The following APBB2 variants were observed in gnomAD, a reference collection of about 807,000 sequenced individuals.
APBB2 encodes the protein Fe65-like 1.
In APBB2, 38 loss-of-function variants were observed where a neutral mutation model predicts 82.5. The observed-to-expected ratio is 0.46, with a 90% CI of 0.36 to 0.60. The LOEUF (loss-of-function observed/expected upper bound fraction) is 0.60, where lower values mean the gene tolerates loss of function less well. Ranked by LOEUF, APBB2 falls within the 20% of genes least tolerant of loss-of-function variation. The pLI is 0.00. For missense variants in APBB2, 772 were observed against 972.3 expected (o/e 0.79, Z 2.74); for synonymous variants, 341 against 368.2 (o/e 0.93, Z 0.85).
At chr4:40,837,851 G>A (rs1393026004) in intron 12 of APBB2, among the ~76,000 whole-genome samples, 2 of 152,110 alleles carry the variant, frequency 1.3e-5, no homozygotes, top group Non-Finnish European at 2.9e-5. Context: ...TCAAGTACCT[G>A]TTGCCACCTG....
At chr4:41,038,422 T>C (rs1221977544) in intron 4 of APBB2, among the ~76,000 whole-genome samples, 1 of 152,202 alleles carries the variant, frequency 6.6e-6, no homozygotes, top group Non-Finnish European at 1.5e-5. Flanking sequence ...CCTAGCTCTT[T>C]GTCCAACCCA....
At chr4:40,924,091 T>C (rs999233595) in intron 10 of APBB2, among the ~76,000 whole-genome samples, 1 of 152,226 alleles carries the variant, frequency 6.6e-6, no homozygotes, top group Admixed American at 6.5e-5. Flanking sequence ...CACGACCAGC[T>C]GTGCAAGCTT....
chr4:41,204,051 G>GAAT (rs10670293), intron 1 of APBB2, among the ~76,000 whole-genome samples: 74,520 of 151,824 alleles, frequency 0.49, 19,007 homozygotes, highest in African/African-American at 0.62. Context: ...AGATATCAGA[G>GAAT]AATGTTTAAG....
intron 1 of APBB2, among the ~76,000 whole-genome samples, chr4:41,212,682 G>A (rs1779612406): frequency 6.6e-6 from 1 of 152,172 alleles, no homozygotes; most frequent in Non-Finnish European, 1.5e-5. Flanking sequence ...AAGACTGTCG[G>A]TGACTTCGGG....
chr4:41,204,380 A>C (rs747088709), intron 1 of APBB2, among the ~76,000 whole-genome samples: 2 of 152,200 alleles, frequency 1.3e-5, no homozygotes, highest in African/African-American at 4.8e-5. Context: ...CCAAGGTGAG[A>C]AGCAACCGAG....
At chr4:40,875,644 T>C (rs1766692061) in intron 12 of APBB2, among the ~76,000 whole-genome samples, 1 of 152,206 alleles carries the variant, frequency 6.6e-6, no homozygotes, top group Admixed American at 6.5e-5. Flanking sequence ...ACCAGCTACA[T>C]TTCAAGTGCT....
chr4:41,144,608 G>A (rs993599158), intron 1 of APBB2, among the ~76,000 whole-genome samples: 57 of 152,208 alleles, frequency 3.7e-4, no homozygotes, highest in African/African-American at 1.3e-3. Flanking sequence ...GCTAACAAAT[G>A]AAGAAGTATT....
intron 10 of APBB2, among the ~76,000 whole-genome samples, chr4:40,916,312 AAGAC>A (rs144128710): frequency 0.043 from 6,524 of 151,756 alleles, 320 homozygotes; most frequent in African/African-American, 0.11. Flanking sequence ...GCTAGACCTG[AAGAC>A]AGACAGACAG....
At chr4:41,082,402 T>C (rs1248134251) in intron 3 of APBB2, among the ~76,000 whole-genome samples, 1 of 152,160 alleles carries the variant, frequency 6.6e-6, no homozygotes, top group African/African-American at 2.4e-5. Flanking sequence ...TTGGAACCTA[T>C]GGAACGCATA....
At chr4:41,151,196 T>G (rs1415038070) in intron 1 of APBB2, among the ~76,000 whole-genome samples, 1 of 152,212 alleles carries the variant, frequency 6.6e-6, no homozygotes, top group African/African-American at 2.4e-5. Flanking sequence ...TTAAAATTGT[T>G]AACATATAAT....
At chr4:40,919,595 C>T (rs537246479) in intron 10 of APBB2, among the ~76,000 whole-genome samples, 3 of 152,192 alleles carry the variant, frequency 2.0e-5, no homozygotes, top group African/African-American at 4.8e-5. Context: ...AAATGGTACA[C>T]ACTTGGGACT....
At chr4:41,111,908 C>CA (rs1247230328) in intron 2 of APBB2, among the ~76,000 whole-genome samples, 1 of 152,106 alleles carries the variant, frequency 6.6e-6, no homozygotes, top group African/African-American at 2.4e-5. Context: ...AGAATCCGTT[C>CA]AGTTGGAATA....
At chr4:41,139,565 T>C (rs965048318) in intron 2 of APBB2, among the ~76,000 whole-genome samples, 2 of 152,160 alleles carry the variant, frequency 1.3e-5, no homozygotes, top group Admixed American at 1.3e-4. Context: ...AACAACGATA[T>C]AATGGAATAT....
intron 10 of APBB2, among the ~76,000 whole-genome samples, chr4:40,911,748 G>A (rs1453191588): frequency 1.3e-5 from 2 of 149,764 alleles, no homozygotes; most frequent in Admixed American, 1.3e-4. Flanking sequence ...TCATAAGTGG[G>A]CCTCCAGCTG....
chr4:41,031,129 G>A (rs2154441184), intron 5 of APBB2, among the ~76,000 whole-genome samples: 1 of 152,284 alleles, frequency 6.6e-6, no homozygotes, highest in East Asian at 1.9e-4. Context: ...GGAGCCTGAG[G>A]CAGGAGAATC....
At chr4:41,012,272 G>C (rs781059973) in intron 6 of APBB2, among the ~76,000 whole-genome samples, 1 of 152,218 alleles carries the variant, frequency 6.6e-6, no homozygotes, top group Non-Finnish European at 1.5e-5. Flanking sequence ...GCCAAACACA[G>C]GAAGTAGAGC....
At chr4:40,841,678 T>C (rs539667395) in intron 12 of APBB2, among the ~76,000 whole-genome samples, 1 of 151,930 alleles carries the variant, frequency 6.6e-6, no homozygotes, top group African/African-American at 2.4e-5. Context: ...TATTATTTAT[T>C]TATTTATTTA....
At chr4:40,879,465 A>G (rs923374136) in intron 12 of APBB2, among the ~76,000 whole-genome samples, 4 of 152,198 alleles carry the variant, frequency 2.6e-5, no homozygotes, top group Non-Finnish European at 4.4e-5. Flanking sequence ...TTAGAAAAAT[A>G]CAAAGCCATT....
At chr4:40,939,015 T>A (rs1022154847) in intron 7 of APBB2, among the ~76,000 whole-genome samples, 1 of 152,124 alleles carries the variant, frequency 6.6e-6, no homozygotes, top group Admixed American at 6.5e-5. Flanking sequence ...TGAGCTGGCA[T>A]GCTCAGCTCT....
Sources: allele counts gnomAD v4.1 joint callset (sites outside exome capture counted in the v4.1 genomes callset), GRCh38; gene constraint gnomAD v4.1.1; transcripts MANE v1.5; gene names NCBI Gene and HGNC (gene_info 2026-07-23, HGNC 2026-07-21).